UTS2: variants seen among roughly 807,000 people sequenced by gnomAD.
UTS2 encodes urotensin-2.
Under a neutral mutation model 12.6 loss-of-function variants are expected in UTS2, and 10 were observed. The ratio of observed to expected loss-of-function variants is 0.80; its 90% CI spans 0.49 to 1.35. The LOEUF (loss-of-function observed/expected upper bound fraction) is 1.35, where lower values mean the gene tolerates loss of function less well. Among genes scored for constraint, UTS2 ranks in the 40% most tolerant of loss-of-function variants. The pLI is 0.00. For synonymous variants in UTS2, 52 were observed against 50.0 expected, an observed-to-expected ratio of 1.04 and a Z score of -0.17; for missense variants, 142 against 143.2, an observed-to-expected ratio of 0.99 and a Z score of 0.04.
At chr1:7,863,712 T>A in the UTS2 span, among the ~76,000 whole-genome samples, 2 of 152,238 alleles carry the variant, frequency 1.3e-5, no homozygotes, top group Non-Finnish European at 2.9e-5. Context: ...TTATTTTATT[T>A]AGTTTCCAGC....
At chr1:7,862,993 GTAT>G in the UTS2 span, among the ~76,000 whole-genome samples, 574 of 18,970 alleles carry the variant, frequency 0.03, 16 homozygotes, top group African/African-American at 0.098. Context: ...GTGTTGTGTT[GTAT>G]TGTATTGTAT....
At chr1:7,855,261 A>G (rs1638284967), upstream of UTS2, among the ~76,000 whole-genome samples, 1 of 152,142 alleles carries the variant, frequency 6.6e-6, no homozygotes, top group South Asian at 2.1e-4. Context: ...TCAAAATTAG[A>G]AACATTTGCT....
the UTS2 span, among the ~76,000 whole-genome samples, chr1:7,876,885 A>G: frequency 3.3e-5 from 5 of 152,174 alleles, no homozygotes; most frequent in African/African-American, 1.2e-4. Context: ...TAATCCCAGC[A>G]CTTTGGGAGA....
At chr1:7,888,384 T>G in the UTS2 span, among the ~76,000 whole-genome samples, 69 of 144,172 alleles carry the variant, frequency 4.8e-4, no homozygotes, top group African/African-American at 1.6e-3. Context: ...CCCCACCCCA[T>G]CAGGACCCCT....
the UTS2 span, among the ~76,000 whole-genome samples, chr1:7,899,731 T>G: frequency 6.6e-6 from 1 of 152,202 alleles, no homozygotes; most frequent in African/African-American, 2.4e-5. Context: ...ACGTAAGAAG[T>G]TATCCCACAA....
At chr1:7,877,613 G>A in the UTS2 span, among the ~76,000 whole-genome samples, 6 of 152,128 alleles carry the variant, frequency 3.9e-5, no homozygotes, top group African/African-American at 7.2e-5. Flanking sequence ...AGTGGCTCAC[G>A]CCTGTAATCC....
upstream of UTS2, among the ~76,000 whole-genome samples, chr1:7,856,295 G>A (rs1029339289): frequency 6.6e-6 from 1 of 152,230 alleles, no homozygotes; most frequent in African/African-American, 2.4e-5. Context: ...GGAGGCGATA[G>A]ACAACAACAT....
At chr1:7,855,013 T>C (rs889626412), upstream of UTS2, among the ~76,000 whole-genome samples, 2 of 151,700 alleles carry the variant, frequency 1.3e-5, no homozygotes, top group Non-Finnish European at 2.9e-5. Context: ...ATACAAAAAT[T>C]AGCTGGGCGT....
the UTS2 span, among the ~76,000 whole-genome samples, chr1:7,909,187 C>G: frequency 6.6e-6 from 1 of 152,120 alleles, no homozygotes; most frequent in Non-Finnish European, 1.5e-5. Flanking sequence ...ATGGGAGCTA[C>G]AGTTCAAGAT....
At chr1:7,906,416 A>AAGG in the UTS2 span, among the ~76,000 whole-genome samples, 1 of 143,084 alleles carries the variant, frequency 7.0e-6, no homozygotes, top group African/African-American at 2.6e-5. Context: ...GAAAGAAAGA[A>AAGG]AAGAAAGAAA....
At chr1:7,886,767 G>C in the UTS2 span, among the ~76,000 whole-genome samples, 2 of 152,024 alleles carry the variant, frequency 1.3e-5, no homozygotes, top group South Asian at 2.1e-4. Context: ...GGGAAAAAAA[G>C]CTCGGCCAGG....
At chr1:7,875,301 C>G in the UTS2 span, among the ~76,000 whole-genome samples, 1 of 152,178 alleles carries the variant, frequency 6.6e-6, no homozygotes, top group African/African-American at 2.4e-5. Flanking sequence ...GTCTCCATCT[C>G]CTGACCTCGT....
chr1:7,906,508 A>AAAGAAAGAAAG, the UTS2 span, among the ~76,000 whole-genome samples: 2 of 150,368 alleles, frequency 1.3e-5, no homozygotes, highest in East Asian at 2.0e-4. Flanking sequence ...AGAAAGAAAG[A>AAAGAAAGAAAG]AAAGAGGGAG....
the UTS2 span, among the ~76,000 whole-genome samples, chr1:7,874,400 C>T: frequency 2.6e-5 from 4 of 152,214 alleles, no homozygotes; most frequent in Non-Finnish European, 4.4e-5. Context: ...GACCCCATCC[C>T]GCCCTGGGGC....
chr1:7,853,333 G>T (rs1426349238), upstream of UTS2: 2 of 1,614,010 alleles, frequency 1.2e-6, no homozygotes, highest in African/African-American at 2.7e-5. Context: ...TTAAAGGAAG[G>T]CTTGGATATG....
the UTS2 span, among the ~76,000 whole-genome samples, chr1:7,910,349 G>C: frequency 1.4e-5 from 2 of 146,814 alleles, no homozygotes; most frequent in Non-Finnish European, 3.0e-5. Flanking sequence ...TTTGGCTGTA[G>C]GTCACCAGGC....
chr1:7,871,008 T>C, the UTS2 span, among the ~76,000 whole-genome samples: 2 of 152,332 alleles, frequency 1.3e-5, no homozygotes, highest in South Asian at 4.1e-4. Flanking sequence ...GATTCTGTGC[T>C]TGGCTATCTT....
At chr1:7,906,491 G>GAAAGAAAGAAAGAAAGAA in the UTS2 span, among the ~76,000 whole-genome samples, 87 of 123,422 alleles carry the variant, frequency 7.0e-4, 2 homozygotes, top group African/African-American at 2.5e-3. Flanking sequence ...AAGAAAGAAA[G>GAAAGAAAGAAAGAAAGAA]AAAGAAAGAA....
the UTS2 span, among the ~76,000 whole-genome samples, chr1:7,910,323 T>C: frequency 0.062 from 9,249 of 149,616 alleles, 1,373 homozygotes; most frequent in East Asian, 0.59. Context: ...ATAAAGAAAT[T>C]CTCTGACCTA....
Sources: gnomAD v4.1 joint callset for allele counts (sites outside exome capture counted in the v4.1 genomes callset) on GRCh38, gnomAD v4.1.1 for gene constraint, MANE v1.5 for transcripts, NCBI Gene and HGNC (gene_info 2026-07-23, HGNC 2026-07-21) for gene names.